PPP1R21: variants seen among roughly 807,000 people sequenced by gnomAD.
PPP1R21 encodes the protein protein phosphatase 1 regulatory subunit 21.
PPP1R21 carries 85 observed loss-of-function variants against 112.8 expected under a neutral mutation model. The ratio of observed to expected loss-of-function variants is 0.75; its 90% CI spans 0.63 to 0.90. The LOEUF is 0.90. Ranked by LOEUF, PPP1R21 falls within the 40% of genes least tolerant of loss-of-function variation. PPP1R21 has a pLI of 0.00. For missense variants in PPP1R21, 1,199 were observed against 901.5 expected (o/e 1.33, Z -4.23); for synonymous variants, 381 against 322.3 (o/e 1.18, Z -1.95).
intron 9 of PPP1R21, among the ~76,000 whole-genome samples, chr2:48,469,741 A>G (rs1422589843): frequency 6.6e-6 from 1 of 151,892 alleles, no homozygotes; most frequent in African/African-American, 2.4e-5. Context: ...TGAATAATTC[A>G]TGTATTTCTC....
At chr2:48,470,243 C>T (rs950446810) in intron 9 of PPP1R21, among the ~76,000 whole-genome samples, 27 of 152,152 alleles carry the variant, frequency 1.8e-4, no homozygotes, top group African/African-American at 6.5e-4. Context: ...TTAAGCTGGG[C>T]ATGTTGGCTC....
At chr2:48,486,339 G>C (rs1669295003) in intron 13 of PPP1R21, among the ~76,000 whole-genome samples, 1 of 151,990 alleles carries the variant, frequency 6.6e-6, no homozygotes, top group Admixed American at 6.6e-5. Context: ...GTTTTTAACT[G>C]GTAAATACAG....
chr2:48,502,595 C>T (rs2103648921), intron 17 of PPP1R21, among the ~76,000 whole-genome samples: 1 of 148,742 alleles, frequency 6.7e-6, no homozygotes, highest in East Asian at 2.0e-4. Flanking sequence ...AATTGATTAA[C>T]AAAGGAAGCT....
In PPP1R21 at chr2:48,451,082, C is replaced by T; in HGVS notation, c.126+6C>T. On this transcript the variant is annotated splice_donor_region_variant and intron_variant, in intron 2 of 21. Coordinates refer to ENST00000294952, the MANE Select transcript of PPP1R21 (RefSeq NM_001135629.3). ...CAAATTCTGCAGCTTTAAAGGTGGG[C>T]AACAGGATATTTGTGTTGTGAGGGT... is the stretch of plus-strand genomic sequence containing the variant. 8 of 1,610,390 alleles carry T rather than the reference C, an allele frequency of 5.0e-6. No homozygotes were observed. The highest frequency in any genetic ancestry group is 6.8e-6 in the Non-Finnish European group (8 of 1,176,686).
chr2:48,506,806 C>A (rs182011972), intron 18 of PPP1R21, among the ~76,000 whole-genome samples: 1 of 151,980 alleles, frequency 6.6e-6, no homozygotes, highest in African/African-American at 2.4e-5. Context: ...ATTAGCTGGG[C>A]GTGGTGGCGG....
chr2:48,486,116 G>T (rs1041948809), intron 13 of PPP1R21, among the ~76,000 whole-genome samples: 2 of 151,850 alleles, frequency 1.3e-5, no homozygotes, highest in African/African-American at 4.8e-5. Context: ...AGGCACTGGG[G>T]CGTCCAATCC....
chr2:48,506,860 G>A (rs1177162224), intron 18 of PPP1R21, among the ~76,000 whole-genome samples: 2 of 151,464 alleles, frequency 1.3e-5, no homozygotes, highest in Non-Finnish European at 2.9e-5. Flanking sequence ...GCAGGAGAAT[G>A]GCGTGAACCT....
rs182641952 is a variant in PPP1R21 at position 48,486,127 on chromosome 2, G to A, written c.1319-504G>A. On this transcript the variant is annotated intron_variant, in intron 13 of 21. Coordinates refer to ENST00000294952, the MANE Select transcript of PPP1R21 (RefSeq NM_001135629.3). ...AGTCAGGCACTGGGGCGTCCAATCC[G>A]TATTTGGCTGTGCAGATACTTCTCA... is the stretch of plus-strand genomic sequence containing the variant. Among the ~76,000 whole-genome samples the A allele has an allele frequency of 4.6e-5, 7 of 152,034 alleles. No homozygotes were observed. The East Asian group carries it at 9.7e-4, about 21-fold the overall frequency.
chr2:48,477,244 G>T (rs546681166), intron 12 of PPP1R21, among the ~76,000 whole-genome samples: 3 of 148,516 alleles, frequency 2.0e-5, no homozygotes, highest in Non-Finnish European at 4.4e-5. Context: ...TCAGCCTCCC[G>T]AGTAGCTGGG....
At chr2:48,453,160 G>A (rs1667557225) in intron 2 of PPP1R21, among the ~76,000 whole-genome samples, 1 of 152,038 alleles carries the variant, frequency 6.6e-6, no homozygotes, top group Non-Finnish European at 1.5e-5. Context: ...TGTCATGTTG[G>A]CCAGGCCAGT....
At chr2:48,458,291 G>T in intron 4 of PPP1R21, 64 bp downstream of exon 4, 1 of 1,036,002 alleles carries the variant, frequency 9.7e-7, no homozygotes, top group Non-Finnish European at 1.5e-6. Flanking sequence ...ATGTGGAAAA[G>T]CTAATGCACA....
chr2:48,504,485 C>A (rs1488150940), intron 17 of PPP1R21, among the ~76,000 whole-genome samples: 4 of 151,890 alleles, frequency 2.6e-5, no homozygotes, highest in Admixed American at 2.6e-4. Context: ...ACTAAAGATA[C>A]AAAAAATTAG....
At chr2:48,494,107 G>A (rs575884114) in intron 15 of PPP1R21, among the ~76,000 whole-genome samples, 1 of 147,668 alleles carries the variant, frequency 6.8e-6, no homozygotes, top group Admixed American at 6.8e-5. Flanking sequence ...GTGCATGCCT[G>A]TAGTCCCAGG....
At chr2:48,457,593 CTT>C (rs546210611) in intron 3 of PPP1R21, among the ~76,000 whole-genome samples, 64 of 152,194 alleles carry the variant, frequency 4.2e-4, no homozygotes, top group South Asian at 1.2e-3. Flanking sequence ...TTAAAATAAT[CTT>C]TGAGAATTTT....
chr2:48,507,503 G>A (rs2103666624), intron 19 of PPP1R21, 118 bp downstream of exon 19: 1 of 1,461,872 alleles, frequency 6.8e-7, no homozygotes, highest in East Asian at 2.6e-5. Flanking sequence ...AAGTAGCTGG[G>A]ACTATGGGTG....
At chr2:48,464,370 A>G (rs867804250) in intron 7 of PPP1R21, among the ~76,000 whole-genome samples, 3 of 152,140 alleles carry the variant, frequency 2.0e-5, no homozygotes, top group Non-Finnish European at 4.4e-5. Context: ...GATGCAGCTC[A>G]TTAAGGAGGA....
chr2:48,495,594 C>T (rs765389003), intron 15 of PPP1R21, 85 bp from the exon 16 acceptor site: 18 of 730,584 alleles, frequency 2.5e-5, no homozygotes, highest in Non-Finnish European at 3.7e-5. Flanking sequence ...TGTCACACCT[C>T]GTTTAGCATT....
At chr2:48,486,544 G>A (rs1669305943) in intron 13 of PPP1R21, 87 bp from the exon 14 acceptor site, 1 of 1,008,458 alleles carries the variant, frequency 9.9e-7, no homozygotes, top group South Asian at 1.6e-5. Flanking sequence ...AAATTTAGAA[G>A]AATAGATAGG....
chr2:48,484,328 A>G (rs1295749401), intron 13 of PPP1R21, among the ~76,000 whole-genome samples: 4 of 152,158 alleles, frequency 2.6e-5, no homozygotes, highest in African/African-American at 7.2e-5. Context: ...CAAGGAGCAT[A>G]TTCTAAGTGA....
Sources: allele counts gnomAD v4.1 joint callset (sites outside exome capture counted in the v4.1 genomes callset), GRCh38; gene constraint gnomAD v4.1.1; transcripts MANE v1.5; gene names NCBI Gene and HGNC (gene_info 2026-07-23, HGNC 2026-07-21).